Variants in ZFHX3 observed in about 807,000 individuals in gnomAD.
The protein encoded by ZFHX3 is zinc finger homeobox protein 3.
In ZFHX3, 42 loss-of-function variants were observed where a neutral mutation model predicts 279.1. That is an observed-to-expected ratio of 0.15 (90% CI 0.12 to 0.19). The LOEUF is 0.19. ZFHX3 is among the 10% of genes least tolerant of loss of function. The pLI is 1.00. For synonymous variants in ZFHX3, 2,293 were observed against 1,957.8 expected (o/e 1.17, Z -4.52); for missense variants, 4,981 against 4,754.0 (o/e 1.05, Z -1.40).
intron 4 of ZFHX3, among the ~76,000 whole-genome samples, chr16:72,847,882 A>G (rs533020704): frequency 6.6e-6 from 1 of 152,076 alleles, no homozygotes; most frequent in Non-Finnish European, 1.5e-5. Flanking sequence ...ATTGATCTGA[A>G]GCCCGAGGGG....
chr16:73,467,499 G>A (rs907541307), intron 2 of ZFHX3, among the ~76,000 whole-genome samples: 1 of 152,136 alleles, frequency 6.6e-6, no homozygotes, highest in Admixed American at 6.5e-5. Flanking sequence ...AGGGGGTAGT[G>A]CACCGACAGG....
At chr16:73,814,741 T>C (rs1050346949) in intron 1 of ZFHX3, among the ~76,000 whole-genome samples, 6 of 152,186 alleles carry the variant, frequency 3.9e-5, no homozygotes, top group Non-Finnish European at 8.8e-5. Flanking sequence ...CTAATTTTTA[T>C]ATTTTTAGTA....
intron 2 of ZFHX3, among the ~76,000 whole-genome samples, chr16:73,561,559 G>T (rs987652877): frequency 2.0e-5 from 3 of 151,762 alleles, no homozygotes; most frequent in African/African-American, 4.8e-5. Flanking sequence ...AAAATTAGTG[G>T]AAAGGTAACA....
At chr16:73,583,084 T>G (rs972190421) in intron 2 of ZFHX3, among the ~76,000 whole-genome samples, 3 of 152,174 alleles carry the variant, frequency 2.0e-5, no homozygotes, top group Non-Finnish European at 4.4e-5. Flanking sequence ...AACCACAGCT[T>G]TCCCAGCTAT....
chr16:72,784,919 G>GA lies in ZFHX3; in HGVS notation c.*2244dup, dbSNP rs568850105. ...AAATAAAATAGTCCCGGCTAAAAAA[G>GA]AAAAAAAGAAAAAAAATCCATTTTC... On this transcript the variant is annotated 3_prime_UTR_variant, in exon 10 of 10. Coordinates refer to ENST00000268489, the MANE Select transcript of ZFHX3 (RefSeq NM_006885.4). 1 of 151,880 alleles carries GA rather than the reference G, an allele frequency of 6.6e-6. No homozygotes were observed. The highest frequency in any genetic ancestry group is 1.5e-5 in the Non-Finnish European group (1 of 67,862). The allele number at this position is 151,880 out of a possible 1,614,324, so 9.4% of individuals were successfully genotyped here.
intron 1 of ZFHX3, among the ~76,000 whole-genome samples, chr16:73,750,140 G>C (rs904865929): frequency 6.6e-6 from 1 of 152,194 alleles, no homozygotes; most frequent in Non-Finnish European, 1.5e-5. Flanking sequence ...TAGGGAGAAA[G>C]AAACCAAGGC....
intron 1 of ZFHX3, among the ~76,000 whole-genome samples, chr16:73,841,804 C>T (rs1473725511): frequency 6.6e-6 from 1 of 152,198 alleles, no homozygotes; most frequent in African/African-American, 2.4e-5. Flanking sequence ...AGAGTGGAGG[C>T]TGCCAGGGAA....
chr16:73,359,784 G>A (rs939872862), intron 3 of ZFHX3, among the ~76,000 whole-genome samples: 12 of 152,218 alleles, frequency 7.9e-5, no homozygotes, highest in African/African-American at 2.4e-4. Context: ...CATGTTTAAG[G>A]TCAAGGGAAC....
At chr16:73,308,510 C>G (rs920432905) in intron 4 of ZFHX3, among the ~76,000 whole-genome samples, 6 of 151,740 alleles carry the variant, frequency 4.0e-5, no homozygotes, top group Non-Finnish European at 8.8e-5. Flanking sequence ...AGGGTGGTCT[C>G]GAACTCCTGA....
intron 4 of ZFHX3, among the ~76,000 whole-genome samples, chr16:73,312,032 T>C (rs2015340271): frequency 6.6e-6 from 1 of 152,196 alleles, no homozygotes; most frequent in Non-Finnish European, 1.5e-5. Context: ...GGCACTTATC[T>C]GGACTGCTGA....
intron 1 of ZFHX3, among the ~76,000 whole-genome samples, chr16:72,978,150 C>T (rs982760535): frequency 6.6e-6 from 1 of 152,318 alleles, no homozygotes; most frequent in East Asian, 1.9e-4. Context: ...CAGGCGTGAG[C>T]CACCGCACCC....
chr16:73,249,228 G>A (rs1299857642), intron 5 of ZFHX3, among the ~76,000 whole-genome samples: 1 of 152,162 alleles, frequency 6.6e-6, no homozygotes, highest in Non-Finnish European at 1.5e-5. Flanking sequence ...TGAAGAAAAT[G>A]TCCCTAACTT....
intron 1 of ZFHX3, among the ~76,000 whole-genome samples, chr16:73,726,601 C>T (rs768868825): frequency 1.2e-4 from 19 of 152,150 alleles, no homozygotes; most frequent in African/African-American, 3.6e-4. Context: ...TATATAAGCA[C>T]GGCACTGGCA....
chr16:73,517,137 C>G (rs898913019), intron 2 of ZFHX3, among the ~76,000 whole-genome samples: 1 of 152,148 alleles, frequency 6.6e-6, no homozygotes, highest in African/African-American at 2.4e-5. Context: ...TCCCATATTC[C>G]CGTTAAAGTG....
chr16:72,887,789 C>T, intron 4 of ZFHX3, among the ~76,000 whole-genome samples: 1 of 151,542 alleles, frequency 6.6e-6, no homozygotes, highest in Non-Finnish European at 1.5e-5. Context: ...TGTGTGTGTA[C>T]AACGTATGTG....
At chr16:72,991,234 CACTGTTAATCTCTT>C (rs2144570200) in intron 1 of ZFHX3, among the ~76,000 whole-genome samples, 1 of 152,254 alleles carries the variant, frequency 6.6e-6, no homozygotes, top group Non-Finnish European at 1.5e-5. Flanking sequence ...TATTAGTTAT[CACTGTTAATCTCTT>C]ACTGTGCCTA....
rs1370943152 is a variant in ZFHX3, at chr16:72,784,535, A to G, written c.*2629T>C. The G allele has an allele frequency of 6.6e-6, 1 of 152,016 alleles. No individual in the cohort carries two copies. Among genetic ancestry groups the G allele is most frequent in the East Asian group, 1.9e-4 (1 of 5,196 alleles). 9.4% of individuals were successfully genotyped at this position (152,016 alleles called of 1,614,324 possible). A position where few individuals can be genotyped will look rare whatever the true frequency, so the allele number is the denominator to read the frequency against. On this transcript the variant is annotated 3_prime_UTR_variant, in exon 10 of 10. Transcript: ENST00000268489. The stretch of plus-strand genomic sequence containing the variant: ...ACACAGAGTAACATACAACAGTTAA[A>G]TGGCAAAAAATATATATATATATAT...
intron 4 of ZFHX3, among the ~76,000 whole-genome samples, chr16:72,845,343 C>A (rs536884344): frequency 6.6e-6 from 1 of 152,274 alleles, no homozygotes; most frequent in South Asian, 2.1e-4. Context: ...AATTTATTTC[C>A]CTCAATTATG....
chr16:73,058,509 G>C (rs1965619332), intron 1 of ZFHX3: 1 of 161,270 alleles, frequency 6.2e-6, no homozygotes, highest in African/African-American at 2.6e-5. Context: ...AAAAAAAAAA[G>C]AGGGAAAAGT....
Sources: allele counts gnomAD v4.1 joint callset (sites outside exome capture counted in the v4.1 genomes callset), GRCh38; gene constraint gnomAD v4.1.1; transcripts MANE v1.5; gene names NCBI Gene and HGNC (gene_info 2026-07-23, HGNC 2026-07-21).